HBS1L: variants seen among roughly 807,000 people sequenced by gnomAD.
HBS1L encodes the protein HBS1-like protein.
A neutral mutation model predicts 88.9 loss-of-function variants in HBS1L; 55 were observed. That is an observed-to-expected ratio of 0.62 (90% CI 0.50 to 0.77). The LOEUF (loss-of-function observed/expected upper bound fraction) is 0.77, where lower values mean the gene tolerates loss of function less well. HBS1L is among the 30% of genes least tolerant of loss of function. HBS1L has a pLI of 0.00. For synonymous variants in HBS1L, 267 were observed against 288.5 expected (o/e 0.93, Z 0.76); for missense variants, 741 against 829.3 (o/e 0.89, Z 1.31).
At chr6:135,045,821 A>C (rs1207106416) in intron 2 of HBS1L, among the ~76,000 whole-genome samples, 4 of 149,006 alleles carry the variant, frequency 2.7e-5, no homozygotes, top group African/African-American at 9.9e-5. Flanking sequence ...CCTAGGCTAC[A>C]GAATGAGACT....
chr6:135,037,946 T>C (rs945202209), intron 4 of HBS1L: 5 of 1,545,636 alleles, frequency 3.2e-6, no homozygotes, highest in Non-Finnish European at 4.4e-6. Context: ...GGTTTGCTAC[T>C]ATAATCCAAA....
chr6:135,039,838 G>T, intron 3 of HBS1L, 71 bp from the exon 4 acceptor site: 2 of 1,324,162 alleles, frequency 1.5e-6, no homozygotes, highest in African/African-American at 1.5e-5. Context: ...CTTCAAAACT[G>T]ATTTTAAAAT....
intron 4 of HBS1L, among the ~76,000 whole-genome samples, chr6:135,009,086 C>A (rs921094135): frequency 6.6e-6 from 1 of 152,172 alleles, no homozygotes; most frequent in South Asian, 2.1e-4. Flanking sequence ...CTCTCATATG[C>A]TCTTCAGCCA....
At chr6:135,011,473 T>C (rs562467883) in intron 4 of HBS1L, among the ~76,000 whole-genome samples, 8 of 152,302 alleles carry the variant, frequency 5.3e-5, no homozygotes, top group Non-Finnish European at 8.8e-5. Flanking sequence ...TGAGCTATGA[T>C]TGTGCCAATG....
intron 4 of HBS1L, among the ~76,000 whole-genome samples, chr6:135,014,549 T>C (rs1775863346): frequency 6.6e-6 from 1 of 152,158 alleles, no homozygotes; most frequent in African/African-American, 2.4e-5. Context: ...GAACAAGTAC[T>C]ATAGTACCGG....
rs1198103596 is a variant in HBS1L, at chr6:134,961,581, CT to C, written c.*3697del. On this transcript the variant is annotated 3_prime_UTR_variant, in exon 18 of 18. Coordinates refer to ENST00000367837, the MANE Select transcript of HBS1L (RefSeq NM_006620.4). ...CTCTTCTTGTGGCTAACATGGGTGA[CT>C]GTTGCTTCTTTCCTTTCCTCCCACC... 2.6e-5 allele frequency: 4 copies of C among 152,160 alleles called. No individual in the cohort carries two copies. The highest frequency in any genetic ancestry group is 5.9e-5 in the Non-Finnish European group (4 of 68,032). The allele number at this position is 152,160 out of a possible 1,614,324, so 9.4% of individuals were successfully genotyped here.
At chr6:135,019,687 TA>T (rs1489034105) in intron 4 of HBS1L, among the ~76,000 whole-genome samples, 4 of 151,916 alleles carry the variant, frequency 2.6e-5, no homozygotes, top group Non-Finnish European at 4.4e-5. Flanking sequence ...GAATAATCCT[TA>T]AAAAAATTCT....
intron 5 of HBS1L, among the ~76,000 whole-genome samples, chr6:134,997,923 A>G (rs1048874593): frequency 6.6e-6 from 1 of 152,256 alleles, no homozygotes; most frequent in African/African-American, 2.4e-5. Flanking sequence ...CTGAAATTCA[A>G]AATCAAGCCC....
Position 134,993,861 on chromosome 6 carries a change from T to C in HBS1L, c.980A>G (p.Asp327Gly), listed in dbSNP as rs778022565. 4.4e-6 allele frequency: 7 copies of C among 1,583,526 alleles called. No individual in the cohort carries two copies. Among genetic ancestry groups the C allele is most frequent in the Non-Finnish European group, 5.2e-6 (6 of 1,154,678 alleles). ...GGTTTCAAACTTTGTCATACCAACA[T>C]CCATGGTTACTCCCCTTAAACAAAA... The part of the protein sequence containing the change: ...GEERERGVTM[D>G]VGMTKFETTT... Residue 327 changes from aspartate to glycine, a missense_variant, in exon 8 of 18, where the codon GAT (aspartate) becomes GGT (glycine). Coordinates refer to ENST00000367837, the MANE Select transcript of HBS1L (RefSeq NM_006620.4).
In HBS1L at chr6:135,000,688, C is replaced by T. The variant is rs192724627; in HGVS notation, c.539+2046G>A. 6.0e-4 allele frequency among the ~76,000 whole-genome samples: 90 copies of T among 151,214 alleles called. 1 individual carries two copies. Among genetic ancestry groups the T allele is most frequent in the South Asian group, 1.7e-3 (8 of 4,750 alleles). ...AGAGACAGGATCTCACTCTGTTGAC[C>T]AGGCTGGAATGCAATGGCAGGATCA... is the stretch of plus-strand genomic sequence containing the variant. On this transcript the variant is annotated intron_variant, in intron 5 of 17. Transcript: ENST00000367837.
chr6:134,983,629 A>G (rs1454978447), intron 12 of HBS1L: 1 of 152,178 alleles, frequency 6.6e-6, no homozygotes, highest in Non-Finnish European at 1.5e-5. Flanking sequence ...GGTACCCCTA[A>G]AAGAACACTC....
At chr6:135,001,482 C>T (rs9402673) in intron 5 of HBS1L, among the ~76,000 whole-genome samples, 65,591 of 151,024 alleles carry the variant, frequency 0.43, 14,212 homozygotes, top group South Asian at 0.56. Flanking sequence ...TTATTTCCCC[C>T]CTCTCTCTCT....
rs1171618357 is a variant in HBS1L, at chr6:135,033,163, A to G, written c.430+6410T>C. Among the ~76,000 whole-genome samples, 6 of 152,332 alleles carry G rather than the reference A, an allele frequency of 3.9e-5. No homozygotes were observed. In the South Asian group the frequency reaches 1.2e-3, roughly 32 times the overall value. On this transcript the variant is annotated intron_variant, in intron 4 of 17. Transcript: ENST00000367837. Reference sequence around the variant, plus strand: ...TCATTTAGAATATAATTACAATATTATTTCTATTTCTAAAGTAAATTATTA... The same window carrying G: ...TCATTTAGAATATAATTACAATATTGTTTCTATTTCTAAAGTAAATTATTA...
At chr6:135,008,598 C>T (rs989590138) in intron 4 of HBS1L, among the ~76,000 whole-genome samples, 1 of 152,174 alleles carries the variant, frequency 6.6e-6, no homozygotes, top group Non-Finnish European at 1.5e-5. Flanking sequence ...TTCTCTTGAA[C>T]ATGAAATGAT....
At chr6:135,014,583 T>G (rs1232210873) in intron 4 of HBS1L, among the ~76,000 whole-genome samples, 4 of 152,200 alleles carry the variant, frequency 2.6e-5, no homozygotes, top group Middle Eastern at 3.4e-3. Context: ...GGAACAGACA[T>G]GAGAGTCAAT....
At chr6:134,981,952 G>T (rs1774843273) in intron 13 of HBS1L, among the ~76,000 whole-genome samples, 1 of 151,808 alleles carries the variant, frequency 6.6e-6, no homozygotes, top group South Asian at 2.1e-4. Context: ...TCAACATTGG[G>T]TTTTTCTCCA....
At chr6:135,007,235 T>C (rs1775639192) in intron 4 of HBS1L, among the ~76,000 whole-genome samples, 2 of 152,166 alleles carry the variant, frequency 1.3e-5, no homozygotes, top group Admixed American at 1.3e-4. Context: ...ATTTCAAAAA[T>C]GTGGTTATTT....
At chr6:134,995,386 T>C (rs1775261111) in intron 7 of HBS1L, among the ~76,000 whole-genome samples, 1 of 152,020 alleles carries the variant, frequency 6.6e-6, no homozygotes, top group Non-Finnish European at 1.5e-5. Context: ...GCATCTGCTA[T>C]CTATGGAATG....
intron 8 of HBS1L, among the ~76,000 whole-genome samples, chr6:134,989,845 T>C (rs1460628028): frequency 6.6e-6 from 1 of 152,200 alleles, no homozygotes. Flanking sequence ...AGAATAAGCA[T>C]ACAAACTGAA....
Sources: allele counts gnomAD v4.1 joint callset (sites outside exome capture counted in the v4.1 genomes callset), GRCh38; gene constraint gnomAD v4.1.1; transcripts MANE v1.5; gene names NCBI Gene and HGNC (gene_info 2026-07-23, HGNC 2026-07-21).